The following NME7 variants were observed in gnomAD, a reference collection of about 807,000 sequenced individuals.
NME7 encodes NME/NM23 family member 7, also known as nucleoside diphosphate kinase 7.
NME7 carries 41 observed loss-of-function variants against 49.1 expected under a neutral mutation model. That is an observed-to-expected ratio of 0.83 (90% CI 0.65 to 1.08). NME7 has a LOEUF of 1.08. Ranked by LOEUF, NME7 falls within the 50% of genes least tolerant of loss-of-function variation. The pLI, the probability that NME7 is intolerant of heterozygous loss-of-function variation, is 0.00. For missense variants in NME7, 423 were observed against 463.4 expected (o/e 0.91, Z 0.80); for synonymous variants, 139 against 150.6 (o/e 0.92, Z 0.56).
intron 11 of NME7, among the ~76,000 whole-genome samples, chr1:169,133,488 A>G (rs958040012): frequency 1.3e-5 from 2 of 152,248 alleles, no homozygotes; most frequent in African/African-American, 4.8e-5. Context: ...GAAATGCCAG[A>G]AACAGCTTCA....
At chr1:169,190,522 C>CTTTTT in intron 10 of NME7, 2 of 247,732 alleles carry the variant, frequency 8.1e-6, no homozygotes, top group Admixed American at 5.5e-5. Context: ...AATTTTTCTT[C>CTTTTT]TTTTTTTTTT....
At chr1:169,155,955 A>G (rs1659055418) in intron 11 of NME7, among the ~76,000 whole-genome samples, 1 of 152,102 alleles carries the variant, frequency 6.6e-6, no homozygotes, top group African/African-American at 2.4e-5. Context: ...GTTAGAATGC[A>G]AATTCTCAGG....
At chr1:169,267,024 T>C (rs1352158579) in intron 7 of NME7, among the ~76,000 whole-genome samples, 2 of 133,152 alleles carry the variant, frequency 1.5e-5, no homozygotes, top group African/African-American at 5.1e-5. Flanking sequence ...GCCGAGATCA[T>C]GCCACTGCAC....
At chr1:169,213,171 TTTA>T (rs1231289887) in intron 10 of NME7, among the ~76,000 whole-genome samples, 2 of 152,168 alleles carry the variant, frequency 1.3e-5, no homozygotes, top group African/African-American at 4.8e-5. Flanking sequence ...ACGATATTTA[TTTA>T]GTGTCTTTAA....
In NME7 at chr1:169,321,439, T is replaced by C. The variant is rs754528143; in HGVS notation, c.278+1678A>G. 5.9e-5 allele frequency among the ~76,000 whole-genome samples: 9 copies of C among 152,240 alleles called. No individual in the cohort carries two copies. The South Asian group carries it at 6.2e-4, about 10-fold the overall frequency. ...AGTGCATATCATAGTGTCTGGCACA[T>C]AGTATGTGCTCCATAAATGAATGCT... On this transcript the variant is annotated intron_variant, in intron 3 of 11. Transcript: ENST00000367811.
chr1:169,188,565 T>C (rs915710684), intron 10 of NME7, among the ~76,000 whole-genome samples: 1 of 152,202 alleles, frequency 6.6e-6, no homozygotes, highest in Non-Finnish European at 1.5e-5. Flanking sequence ...AGCACACTGC[T>C]CTGCACTTGC....
chr1:169,340,215 G>A (rs1346102521), intron 1 of NME7, among the ~76,000 whole-genome samples: 1 of 152,108 alleles, frequency 6.6e-6, no homozygotes, highest in African/African-American at 2.4e-5. Context: ...GGATTACAGG[G>A]GCAGTTTCCC....
At position 169,279,737 on chromosome 1, in the gene NME7, C is replaced by T. The variant is rs190917818; in HGVS notation, c.754+7566G>A. On this transcript the variant is annotated intron_variant, in intron 7 of 11. Transcript: ENST00000367811. ...CTGGCACTCCCTAGTGAGATGAACC[C>T]GGTACCTCAGATGGAAATGCAGAAA... 6.9e-3 allele frequency among the ~76,000 whole-genome samples: 1,054 copies of T among 152,112 alleles called. 16 individuals are homozygous for T. The highest frequency in any genetic ancestry group is 0.024 in the African/African-American group (988 of 41,498).
intron 8 of NME7, 43 bp downstream of exon 8, chr1:169,237,580 A>G (rs1371647356): frequency 6.8e-7 from 1 of 1,465,066 alleles, no homozygotes; most frequent in African/African-American, 1.5e-5. Flanking sequence ...CTATTTTTGA[A>G]AAAAATCCTC....
intron 1 of NME7, among the ~76,000 whole-genome samples, chr1:169,339,147 C>T (rs1282202879): frequency 2.6e-5 from 4 of 152,046 alleles, no homozygotes; most frequent in East Asian, 1.9e-4. Flanking sequence ...TGGCAAAAAT[C>T]CACTCTTCCA....
chr1:169,177,642 T>A (rs1659791835), intron 10 of NME7, among the ~76,000 whole-genome samples: 1 of 151,950 alleles, frequency 6.6e-6, no homozygotes, highest in Non-Finnish European at 1.5e-5. Context: ...CTTCTCAACA[T>A]AACCTATAGT....
intron 10 of NME7, among the ~76,000 whole-genome samples, chr1:169,227,811 C>A (rs1647406167): frequency 6.6e-6 from 1 of 152,148 alleles, no homozygotes; most frequent in Non-Finnish European, 1.5e-5. Context: ...TGGACACATT[C>A]AAACCACTGT....
At chr1:169,330,102 C>T (rs1337112796) in intron 1 of NME7, among the ~76,000 whole-genome samples, 2 of 151,620 alleles carry the variant, frequency 1.3e-5, no homozygotes, top group Admixed American at 6.6e-5. Context: ...TTAAAATATC[C>T]TTCAAACATC....
At chr1:169,143,377 T>C (rs1202493727) in intron 11 of NME7, among the ~76,000 whole-genome samples, 3 of 151,478 alleles carry the variant, frequency 2.0e-5, no homozygotes, top group African/African-American at 4.8e-5. Context: ...TTTCTCGGCC[T>C]GGAGTCAACT....
intron 7 of NME7, among the ~76,000 whole-genome samples, chr1:169,244,634 T>TG (rs1158598452): frequency 1.8e-5 from 1 of 54,762 alleles, no homozygotes; most frequent in African/African-American, 6.6e-5. Flanking sequence ...AGACTCCATC[T>TG]CAAAAAAAAA....
At chr1:169,354,266 T>C (rs1170406651) in intron 1 of NME7, among the ~76,000 whole-genome samples, 1 of 152,108 alleles carries the variant, frequency 6.6e-6, no homozygotes, top group African/African-American at 2.4e-5. Flanking sequence ...TAAAGGTCAT[T>C]ATGTTAAGTG....
intron 11 of NME7, among the ~76,000 whole-genome samples, chr1:169,140,993 G>GACTA (rs1557959061): frequency 6.6e-6 from 1 of 152,062 alleles, no homozygotes; most frequent in East Asian, 1.9e-4. Context: ...TGTTTATAAG[G>GACTA]ACTAAATAAG....
intron 10 of NME7, among the ~76,000 whole-genome samples, chr1:169,214,811 G>A (rs947491804): frequency 2.6e-5 from 4 of 152,368 alleles, no homozygotes; most frequent in African/African-American, 9.6e-5. Flanking sequence ...TGCAGGCCCT[G>A]TGGCAGCATC....
At chr1:169,306,812 C>A (rs559751087) in intron 4 of NME7, among the ~76,000 whole-genome samples, 1 of 151,996 alleles carries the variant, frequency 6.6e-6, no homozygotes, top group African/African-American at 2.4e-5. Flanking sequence ...GAGGCCAGTT[C>A]GAGACTAGCC....
Sources: allele counts gnomAD v4.1 joint callset (sites outside exome capture counted in the v4.1 genomes callset), GRCh38; gene constraint gnomAD v4.1.1; transcripts MANE v1.5; gene names NCBI Gene and HGNC (gene_info 2026-07-23, HGNC 2026-07-21).